The following PIEZO1 variants were observed in gnomAD, a reference collection of about 807,000 sequenced individuals.
The protein encoded by PIEZO1 is piezo type mechanosensitive ion channel component 1 (Er blood group).
Under a neutral mutation model 297.2 loss-of-function variants are expected in PIEZO1, and 296 were observed. The observed-to-expected ratio is 1.00, with a 90% CI of 0.91 to 1.10. The LOEUF (loss-of-function observed/expected upper bound fraction) is 1.10, where lower values mean the gene tolerates loss of function less well. PIEZO1 is among the 50% of genes least tolerant of loss of function. PIEZO1 has a pLI of 0.00. For synonymous variants in PIEZO1, 2,427 were observed against 1,507.5 expected, an observed-to-expected ratio of 1.61 and a Z score of -14.13; for missense variants, 5,018 against 3,455.5, an observed-to-expected ratio of 1.45 and a Z score of -11.34.
In PIEZO1 at chr16:88,720,707, CTT is replaced by C. The variant is rs1289620689; in HGVS notation, c.5708_5709del (p.Lys1903ArgfsTer65). ...DREEEEGEEE[K>X]EAPTGREKRP... ...CTCTTCTCTCTCCCCGTGGGGGCCTCTTTCTCTTCCTCCCCCTCTTCTTCCTC... is the reference window on the plus strand; with the variant it reads ...CTCTTCTCTCTCCCCGTGGGGGCCTCTCTCTTCCTCCCCCTCTTCTTCCTC... On this transcript the variant is annotated frameshift_variant, in exon 40 of 51. Transcript: ENST00000301015. LOFTEE classifies it high-confidence loss of function. 6.5e-7 allele frequency: 1 copy of C among 1,534,236 alleles called. No individual in the cohort carries two copies. The highest frequency in any genetic ancestry group is 1.4e-5 in the African/African-American group (1 of 72,168).
Position 88,716,392 on chromosome 16 carries a change from T to G in PIEZO1, c.7018A>C (p.Ser2340Arg), listed in dbSNP as rs2058162677. ...TGGTCCGAGGTGCCCTCGAGCAGGC[T>G]GGCCAGCTGCCGCCGTGCAGTGCTG... ...PNSTARRQLA[S>R]LLEGTSDQSV... is the part of the protein sequence containing the mutation. The change falls in exon 48 of 51, where the codon AGC (serine) becomes CGC (arginine). Residue 2340 changes from serine to arginine, a missense_variant. Coordinates refer to ENST00000301015, the MANE Select transcript of PIEZO1 (RefSeq NM_001142864.4). 1 of 1,548,024 alleles carries G rather than the reference T, an allele frequency of 6.5e-7. No individual in the cohort carries two copies. The highest frequency in any genetic ancestry group is 8.7e-7 in the Non-Finnish European group (1 of 1,145,556).
chr16:88,767,759 C>A (rs978516834), intron 1 of PIEZO1, among the ~76,000 whole-genome samples: 2 of 152,198 alleles, frequency 1.3e-5, no homozygotes, highest in Admixed American at 6.5e-5. Context: ...AACATCTCCG[C>A]TGAGCCTTCT....
intron 1 of PIEZO1, among the ~76,000 whole-genome samples, chr16:88,776,775 C>T (rs1719540877): frequency 6.6e-6 from 1 of 152,214 alleles, no homozygotes; most frequent in Non-Finnish European, 1.5e-5. Context: ...GCCAGTCCGG[C>T]GCTGATAGCC....
Position 88,715,782 on chromosome 16 carries a change from C to G in PIEZO1, c.7389G>C (p.Ser2463=). The G allele has an allele frequency of 6.5e-7, 1 of 1,550,266 alleles. No individual in the cohort carries two copies. The highest frequency in any genetic ancestry group is 1.4e-5 in the African/African-American group (1 of 73,136). ...KFVRGFFSEI[S]HSIMFEELPC... is the part of the protein sequence containing the mutation. ...GCAGCTCCTCGAACATAATGGAGTG[C>G]GAGATCTCGCTGAAGAATCCGCGCA... The change falls in exon 51 of 51, where the codon TCG becomes TCC. Residue 2463 remains serine (S), a synonymous_variant. Transcript: ENST00000301015.
At position 88,743,515 on chromosome 16, in the gene PIEZO1, G is replaced by T. The variant is rs1485208109; in HGVS notation, c.161-1093C>A. On this transcript the variant is annotated intron_variant, in intron 2 of 50. Transcript: ENST00000301015. ...GGTAGCATCTGGGTCTGGGTCCAAG[G>T]TGGTGAATGTCACCACCACATCTGC... The T allele has an allele frequency of 6.6e-6, 3 of 456,130 alleles. No individual in the cohort carries two copies. In the East Asian group the frequency reaches 2.1e-4, roughly 32 times the overall value. The allele number at this position is 456,130 out of a possible 1,614,324, so 28.3% of individuals were successfully genotyped here.
At chr16:88,774,125 C>A (rs1372063010) in intron 1 of PIEZO1, among the ~76,000 whole-genome samples, 1 of 152,222 alleles carries the variant, frequency 6.6e-6, no homozygotes, top group African/African-American at 2.4e-5. Context: ...GTGGGCGTGG[C>A]CTGAGCTTCT....
At position 88,733,632 on chromosome 16, in the gene PIEZO1, A is replaced by C; in HGVS notation, c.2443T>G (p.Phe815Val). 1 of 1,549,568 alleles carries C rather than the reference A, an allele frequency of 6.5e-7. No homozygotes were observed. Among genetic ancestry groups the C allele is most frequent in the Non-Finnish European group, 8.7e-7 (1 of 1,146,466 alleles). The change falls in exon 18 of 51, where the codon TTC becomes GTC. Residue 815 changes from phenylalanine (F) to valine (V), a missense_variant. Phe to Val is a conservative substitution (Grantham distance 50). Coordinates refer to ENST00000301015, the MANE Select transcript of PIEZO1 (RefSeq NM_001142864.4). ...ACGGTGTACAGGGCCACCAGCTTGA[A>C]AACGTGAAGCTCCAGCAGCCGCCGC... Reference protein sequence around the residue: ...FLRRLLELHVFKLVALYTVWV... With the variant: ...FLRRLLELHVVKLVALYTVWV...
At chr16:88,763,593 G>C (rs899923811) in intron 1 of PIEZO1, among the ~76,000 whole-genome samples, 6 of 152,204 alleles carry the variant, frequency 3.9e-5, no homozygotes, top group Non-Finnish European at 7.3e-5. Context: ...CCAGGGTCTG[G>C]CGTGATACAA....
intron 1 of PIEZO1, among the ~76,000 whole-genome samples, chr16:88,781,485 A>AC (rs1907935554): frequency 6.6e-6 from 1 of 152,178 alleles, no homozygotes; most frequent in Non-Finnish European, 1.5e-5. Context: ...GGCAGGCCCC[A>AC]GGCTCTCCTG....
chr16:88,759,385 G>A (rs980728435), intron 1 of PIEZO1, among the ~76,000 whole-genome samples: 1 of 152,248 alleles, frequency 6.6e-6, no homozygotes, highest in Non-Finnish European at 1.5e-5. Context: ...TGCCAGGCCA[G>A]GGCAGCTACA....
chr16:88,777,999 C>T (rs1164826322), intron 1 of PIEZO1, among the ~76,000 whole-genome samples: 1 of 152,382 alleles, frequency 6.6e-6, no homozygotes, highest in African/African-American at 2.4e-5. Flanking sequence ...GCCACAGCCA[C>T]AAGCCTCCGG....
chr16:88,726,982 G>T (rs769163406), intron 24 of PIEZO1, 24 bp from the exon 25 acceptor site: 28 of 1,549,386 alleles, frequency 1.8e-5, no homozygotes, highest in Non-Finnish European at 2.4e-5. Context: ...GCGTCAGGGC[G>T]GGCGCCCCGG....
chr16:88,720,567 C>A (rs1283658320), intron 40 of PIEZO1, 35 bp from the exon 41 acceptor site: 1 of 1,543,582 alleles, frequency 6.5e-7, no homozygotes, highest in East Asian at 2.4e-5. Context: ...GGCCCAGTAC[C>A]CGCCTCCCCA....
At chr16:88,737,504 C>G in intron 10 of PIEZO1, 55 bp downstream of exon 10, 1 of 1,270,800 alleles carries the variant, frequency 7.9e-7, no homozygotes, top group Non-Finnish European at 1.1e-6. Flanking sequence ...GGGGCAGCAC[C>G]GGCCTCCGCC....
Position 88,719,919 on chromosome 16 carries a change from A to C in PIEZO1, c.6206T>G (p.Val2069Gly). Reference protein sequence around the residue: ...QNVVAQLWYFVKCIYFALSAY... With the variant: ...QNVVAQLWYFGKCIYFALSAY... ...GGACAGGGCGAAGTAGATGCACTTC[A>C]CGAAGTACCAGAGCTGGGCCACCAC... Residue 2069 changes from valine (V) to glycine (G), a missense_variant, in exon 43 of 51, where the codon GTG (valine) becomes GGG (glycine). Physicochemically the swap from Val to Gly is moderately radical, Grantham distance 109. Coordinates refer to ENST00000301015, the MANE Select transcript of PIEZO1 (RefSeq NM_001142864.4). The C allele has an allele frequency of 6.4e-7, 1 of 1,550,418 alleles. No homozygotes were observed. Among genetic ancestry groups the C allele is most frequent in the Non-Finnish European group, 8.7e-7 (1 of 1,146,950 alleles).
intron 1 of PIEZO1, among the ~76,000 whole-genome samples, chr16:88,750,280 G>T (rs1244359777): frequency 6.6e-6 from 1 of 150,728 alleles, no homozygotes; most frequent in African/African-American, 2.5e-5. Flanking sequence ...AGGTTGCAGT[G>T]AGCCGAGATT....
intron 1 of PIEZO1, among the ~76,000 whole-genome samples, chr16:88,758,179 A>G (rs933730405): frequency 2.7e-5 from 4 of 148,890 alleles, no homozygotes; most frequent in Non-Finnish European, 6.0e-5. Flanking sequence ...TCCTCCCACA[A>G]GGAGATGGCC....
chr16:88,733,612 G>A lies in PIEZO1; in HGVS notation c.2463C>T (p.Tyr821=), dbSNP rs563693664. The A allele has an allele frequency of 6.7e-5, 103 of 1,548,814 alleles. No homozygotes were observed. Among genetic ancestry groups the A allele is most frequent in the African/African-American group, 2.3e-4 (17 of 73,010 alleles). ...CCTCCTTCAGGGCCACCCAGACGGT[G>A]TACAGGGCCACCAGCTTGAAAACGT... ...ELHVFKLVAL[Y]TVWVALKEVS... Residue 821 remains tyrosine (Y), a synonymous_variant, in exon 18 of 51, where the codon TAC becomes TAT. Coordinates refer to ENST00000301015, the MANE Select transcript of PIEZO1 (RefSeq NM_001142864.4).
In PIEZO1 at chr16:88,721,907, G is replaced by A. The variant is rs544816936; in HGVS notation, c.5115C>T (p.Ala1705=). ...CGAGCACGGGCAGCACCAGCGAGCC[G>A]GCGGAGGCCGTGACCATGTGGTTGA... ...IILNHMVTAS[A]GSLVLPVLVF... The change falls in exon 37 of 51, where the codon GCC becomes GCT. Residue 1705 remains alanine, a synonymous_variant. Coordinates refer to ENST00000301015, the MANE Select transcript of PIEZO1 (RefSeq NM_001142864.4). 193 of 1,550,162 alleles carry A rather than the reference G, an allele frequency of 1.2e-4. 3 individuals are homozygous for A. In the South Asian group the frequency reaches 1.5e-3, roughly 12 times the overall value.
Sources: gnomAD v4.1 joint callset for allele counts (sites outside exome capture counted in the v4.1 genomes callset) on GRCh38, gnomAD v4.1.1 for gene constraint, MANE v1.5 for transcripts, NCBI Gene and HGNC (gene_info 2026-07-23, HGNC 2026-07-21) for gene names.